NMNAT2: variants seen among roughly 807,000 people sequenced by gnomAD.
NMNAT2 encodes nicotinamide nucleotide adenylyltransferase 2.
In NMNAT2, 11 loss-of-function variants were observed where a neutral mutation model predicts 41.6. That is an observed-to-expected ratio of 0.26 (90% CI 0.17 to 0.44). The LOEUF (loss-of-function observed/expected upper bound fraction) is 0.44. Ranked by LOEUF, NMNAT2 falls within the 20% of genes least tolerant of loss-of-function variation. NMNAT2 has a pLI of 1.00. For synonymous variants in NMNAT2, 148 were observed against 151.2 expected (o/e 0.98, Z 0.16); for missense variants, 288 against 407.7 (o/e 0.71, Z 2.53).
intron 10 of NMNAT2, among the ~76,000 whole-genome samples, chr1:183,254,529 C>T (rs1303653666): frequency 2.0e-5 from 3 of 152,112 alleles, no homozygotes; most frequent in Non-Finnish European, 4.4e-5. Context: ...CCTCAAACTC[C>T]TGGGCTCAAG....
intron 1 of NMNAT2, among the ~76,000 whole-genome samples, chr1:183,344,205 G>C (rs1027398228): frequency 1.3e-5 from 2 of 152,144 alleles, no homozygotes; most frequent in African/African-American, 2.4e-5. Flanking sequence ...TGTTAGCACT[G>C]TGCTGAATGC....
At chr1:183,324,334 A>ACCG in intron 1 of NMNAT2, among the ~76,000 whole-genome samples, 1 of 152,238 alleles carries the variant, frequency 6.6e-6, no homozygotes, top group Non-Finnish European at 1.5e-5. Context: ...TGCTTCTTGC[A>ACCG]TTGACAAGGC....
At chr1:183,387,542 C>T (rs1448700870) in intron 1 of NMNAT2, among the ~76,000 whole-genome samples, 1 of 152,186 alleles carries the variant, frequency 6.6e-6, no homozygotes, top group African/African-American at 2.4e-5. Flanking sequence ...CACATGCCTC[C>T]ACAATTTGTC....
chr1:183,344,897 CG>C (rs1252217520), intron 1 of NMNAT2, among the ~76,000 whole-genome samples: 6 of 152,180 alleles, frequency 3.9e-5, no homozygotes, highest in African/African-American at 1.4e-4. Flanking sequence ...CCAGTCTCCC[CG>C]GCAGGGCTTC....
chr1:183,266,758 T>C, intron 8 of NMNAT2: 1 of 214,438 alleles, frequency 4.7e-6, no homozygotes, highest in South Asian at 6.1e-5. Flanking sequence ...TCAAGCTAAT[T>C]ACTGAAGATC....
chr1:183,404,779 A>G (rs554033462), intron 1 of NMNAT2, among the ~76,000 whole-genome samples: 2 of 152,350 alleles, frequency 1.3e-5, no homozygotes, highest in South Asian at 2.1e-4. Context: ...GCATTATTAT[A>G]TCTGCTCAAA....
intron 1 of NMNAT2, among the ~76,000 whole-genome samples, chr1:183,312,606 G>T (rs1455769643): frequency 1.3e-5 from 2 of 151,568 alleles, no homozygotes; most frequent in Admixed American, 1.3e-4. Context: ...AGTTTGTCAA[G>T]CTCATCTTTT....
At chr1:183,317,233 G>A (rs930221124) in intron 1 of NMNAT2, among the ~76,000 whole-genome samples, 4 of 152,092 alleles carry the variant, frequency 2.6e-5, no homozygotes, top group Admixed American at 6.5e-5. Context: ...TCATCCCCCC[G>A]TATTTCAGCC....
Position 183,286,786 on chromosome 1 carries a change from C to A in NMNAT2, c.324G>T (p.Arg108Ser), listed in dbSNP as rs149250806. Residue 108 changes from arginine (R) to serine (S), a missense_variant and splice_region_variant, in exon 5 of 11, where the codon AGG becomes AGT. Physicochemically the swap from Arg to Ser is moderately radical, Grantham distance 110. This residue lies in a region of NMNAT2 where 100 missense variants were observed against 168.5 expected (regional missense o/e 0.59). Coordinates refer to ENST00000287713, the MANE Select transcript of NMNAT2 (RefSeq NM_015039.4). ...CATTGGAGAGGATGCAGCCAGTCAC[C>A]CTCTAGGGAGAGAGAGAAGAGTGTT... ...VLEHHRDLMK[R>S]VTGCILSNVN... The A allele has an allele frequency of 2.5e-6, 4 of 1,609,322 alleles. No individual in the cohort carries two copies. Among genetic ancestry groups the A allele is most frequent in the South Asian group, 2.2e-5 (2 of 89,846 alleles).
chr1:183,363,991 C>A (rs1663363026), intron 1 of NMNAT2, among the ~76,000 whole-genome samples: 1 of 152,238 alleles, frequency 6.6e-6, no homozygotes, highest in African/African-American at 2.4e-5. Flanking sequence ...TGCATAAAAA[C>A]AACCTCCTTC....
chr1:183,346,429 T>C (rs1231311436), intron 1 of NMNAT2, among the ~76,000 whole-genome samples: 1 of 152,178 alleles, frequency 6.6e-6, no homozygotes, highest in African/African-American at 2.4e-5. Context: ...TTAACATTTA[T>C]AAATGGCCAC....
chr1:183,318,042 C>G (rs547022352), intron 1 of NMNAT2, among the ~76,000 whole-genome samples: 2 of 152,326 alleles, frequency 1.3e-5, no homozygotes, highest in East Asian at 1.9e-4. Context: ...GTTCTGGGCA[C>G]TGTTCTATAG....
rs1662381562 is a variant in NMNAT2 at position 183,322,854 on chromosome 1, GC to G, written c.86-29062del. ...ACTACCTTGCAGACCTCTCCTCCAAGCCCTAATCTCAGAAATCTAATTATCT... is the reference window on the plus strand; with the variant it reads ...ACTACCTTGCAGACCTCTCCTCCAAGCCTAATCTCAGAAATCTAATTATCT... On this transcript the variant is annotated intron_variant, in intron 1 of 10. Coordinates refer to ENST00000287713, the MANE Select transcript of NMNAT2 (RefSeq NM_015039.4). 2.6e-5 allele frequency among the ~76,000 whole-genome samples: 4 copies of G among 152,216 alleles called. No homozygotes were observed. The South Asian group carries it at 6.2e-4, about 24-fold the overall frequency.
At chr1:183,361,963 A>G (rs950845211) in intron 1 of NMNAT2, among the ~76,000 whole-genome samples, 2 of 152,244 alleles carry the variant, frequency 1.3e-5, no homozygotes, top group African/African-American at 4.8e-5. Context: ...TTTGAGATGG[A>G]GTTTCGCTCT....
chr1:183,264,071 A>G (rs1660738942), intron 8 of NMNAT2, among the ~76,000 whole-genome samples: 1 of 152,118 alleles, frequency 6.6e-6, no homozygotes, highest in South Asian at 2.1e-4. Context: ...ATCCATGGGG[A>G]TTCCTAAGCT....
rs1267684927 is a variant in NMNAT2 at position 183,302,170 on chromosome 1, A to G, written c.86-8377T>C. 3.3e-5 allele frequency among the ~76,000 whole-genome samples: 5 copies of G among 152,312 alleles called. No homozygotes were observed. The South Asian group carries it at 1.0e-3, about 32-fold the overall frequency. On this transcript the variant is annotated intron_variant, in intron 1 of 10. Coordinates refer to ENST00000287713, the MANE Select transcript of NMNAT2 (RefSeq NM_015039.4). ...TTGAGTGTTCCCTAACAAACATTTAATAAGTGCTTATTATGTTGAAGGCTC... is the reference window on the plus strand; with the variant it reads ...TTGAGTGTTCCCTAACAAACATTTAGTAAGTGCTTATTATGTTGAAGGCTC...
At chr1:183,316,495 G>T (rs985280364) in intron 1 of NMNAT2, among the ~76,000 whole-genome samples, 3 of 152,146 alleles carry the variant, frequency 2.0e-5, no homozygotes, top group African/African-American at 7.2e-5. Flanking sequence ...GTGGAGATCA[G>T]ATGCTGAGTC....
chr1:183,312,947 T>G (rs1038896071), intron 1 of NMNAT2, among the ~76,000 whole-genome samples: 6 of 152,184 alleles, frequency 3.9e-5, no homozygotes, highest in African/African-American at 1.4e-4. Context: ...TCCTTTCTCA[T>G]TTTCTTGTAA....
chr1:183,335,329 C>T (rs1662661132), intron 1 of NMNAT2, among the ~76,000 whole-genome samples: 1 of 152,132 alleles, frequency 6.6e-6, no homozygotes, highest in Non-Finnish European at 1.5e-5. Context: ...CAAATCCGGC[C>T]CTATGTCTTG....
Sources: allele counts gnomAD v4.1 joint callset (sites outside exome capture counted in the v4.1 genomes callset), GRCh38; gene constraint gnomAD v4.1.1; regional missense constraint gnomAD v4.1.1; transcripts MANE v1.5; gene names NCBI Gene and HGNC (gene_info 2026-07-23, HGNC 2026-07-21).